KHDRBS2: variants seen among roughly 807,000 people sequenced by gnomAD.
KHDRBS2 encodes the protein KH domain-containing, RNA-binding, signal transduction-associated protein 2.
A neutral mutation model predicts 44.3 loss-of-function variants in KHDRBS2; 26 were observed. That is an observed-to-expected ratio of 0.59 (90% confidence interval 0.43 to 0.81). KHDRBS2 has a LOEUF of 0.81. KHDRBS2 is among the 40% of genes least tolerant of loss of function. The pLI, the probability that KHDRBS2 is intolerant of heterozygous loss-of-function variation, is 0.00. For synonymous variants in KHDRBS2, 194 were observed against 151.1 expected (o/e 1.28, Z -2.08); for missense variants, 476 against 433.1 (o/e 1.10, Z -0.88).
chr6:61,880,100 T>C (rs541320528), intron 6 of KHDRBS2, among the ~76,000 whole-genome samples: 3 of 151,864 alleles, frequency 2.0e-5, no homozygotes, highest in East Asian at 1.9e-4. Context: ...TAAATTGGGA[T>C]TGTTTGATGA....
At chr6:61,748,536 T>G (rs7771457) in intron 6 of KHDRBS2, among the ~76,000 whole-genome samples, 63,027 of 151,884 alleles carry the variant, frequency 0.41, 13,478 homozygotes, top group Middle Eastern at 0.51. Context: ...ATCTGAAAAG[T>G]TTTCAAATAT....
the KHDRBS2 span, among the ~76,000 whole-genome samples, chr6:61,652,639 T>C: frequency 6.6e-6 from 1 of 152,014 alleles, no homozygotes; most frequent in South Asian, 2.1e-4. Flanking sequence ...GTTAGGAATA[T>C]TACTTGATTC....
At chr6:61,758,822 T>C (rs1256437239) in intron 6 of KHDRBS2, among the ~76,000 whole-genome samples, 1 of 152,126 alleles carries the variant, frequency 6.6e-6, no homozygotes, top group African/African-American at 2.4e-5. Flanking sequence ...TGTAAATATA[T>C]ATTTAGGGTA....
chr6:62,166,375 C>T (rs1324371997), intron 2 of KHDRBS2, among the ~76,000 whole-genome samples: 2 of 151,900 alleles, frequency 1.3e-5, no homozygotes, highest in African/African-American at 4.8e-5. Context: ...TTGTGACATC[C>T]TTGTGAAACC....
intron 7 of KHDRBS2, among the ~76,000 whole-genome samples, chr6:61,719,171 T>C (rs538228633): frequency 1.1e-4 from 16 of 152,272 alleles, no homozygotes; most frequent in Non-Finnish European, 1.9e-4. Flanking sequence ...ATTATACCAA[T>C]CTACAGTTAA....
chr6:61,717,896 T>C (rs1431419082), intron 7 of KHDRBS2, among the ~76,000 whole-genome samples: 1 of 152,114 alleles, frequency 6.6e-6, no homozygotes, highest in African/African-American at 2.4e-5. Flanking sequence ...AACAGACGTC[T>C]GAATTGATTT....
At chr6:62,233,392 G>A (rs1231435710) in intron 1 of KHDRBS2, among the ~76,000 whole-genome samples, 1 of 152,116 alleles carries the variant, frequency 6.6e-6, no homozygotes. Flanking sequence ...AACTTCTCAT[G>A]TCTAACCAAT....
At chr6:61,817,251 G>C (rs1337723558) in intron 6 of KHDRBS2, among the ~76,000 whole-genome samples, 1 of 150,470 alleles carries the variant, frequency 6.6e-6, no homozygotes, top group Non-Finnish European at 1.5e-5. Flanking sequence ...TGTGGAAAAT[G>C]GTAAGATGAA....
chr6:61,752,746 T>C (rs1350578515), intron 6 of KHDRBS2, among the ~76,000 whole-genome samples: 1 of 149,198 alleles, frequency 6.7e-6, no homozygotes, highest in African/African-American at 2.5e-5. Flanking sequence ...TGGTTTAAGA[T>C]GAAGACAGAG....
the KHDRBS2 span, among the ~76,000 whole-genome samples, chr6:61,599,430 T>C: frequency 6.6e-6 from 1 of 151,740 alleles, no homozygotes; most frequent in African/African-American, 2.4e-5. Context: ...TGGACATGAG[T>C]GGATTTTTAA....
At chr6:61,602,604 C>T in the KHDRBS2 span, among the ~76,000 whole-genome samples, 8 of 152,258 alleles carry the variant, frequency 5.3e-5, no homozygotes, top group Admixed American at 3.3e-4. Context: ...TCAGAAGCCC[C>T]CTACACCATC....
intron 1 of KHDRBS2, among the ~76,000 whole-genome samples, chr6:62,189,534 T>C (rs1417698594): frequency 6.6e-6 from 1 of 152,054 alleles, no homozygotes; most frequent in Non-Finnish European, 1.5e-5. Flanking sequence ...AACTTTTATT[T>C]TCTTCTAAGT....
chr6:61,719,926 G>A (rs552878444), intron 7 of KHDRBS2, among the ~76,000 whole-genome samples: 11 of 152,022 alleles, frequency 7.2e-5, no homozygotes, highest in East Asian at 3.9e-4. Context: ...TATGCCTCCC[G>A]CCTCTTCCCA....
intron 6 of KHDRBS2, among the ~76,000 whole-genome samples, chr6:61,774,308 C>A (rs1781552421): frequency 6.6e-6 from 1 of 152,154 alleles, no homozygotes; most frequent in Non-Finnish European, 1.5e-5. Context: ...TTTGTATCCT[C>A]TTTTATTTCA....
chr6:62,043,823 A>G (rs13191150), intron 3 of KHDRBS2, among the ~76,000 whole-genome samples: 39 of 152,232 alleles, frequency 2.6e-4, no homozygotes, highest in Non-Finnish European at 4.7e-4. Context: ...ATATCTTAAT[A>G]CTTCGTATTT....
intron 1 of KHDRBS2, among the ~76,000 whole-genome samples, chr6:62,250,809 T>C (rs1836394931): frequency 6.6e-6 from 1 of 152,076 alleles, no homozygotes; most frequent in Middle Eastern, 3.4e-3. Flanking sequence ...AGGAAGGTTA[T>C]TTCTATTTAA....
At chr6:62,039,726 A>C (rs1189327962) in intron 3 of KHDRBS2, among the ~76,000 whole-genome samples, 10 of 152,082 alleles carry the variant, frequency 6.6e-5, no homozygotes, top group Non-Finnish European at 4.4e-5. Flanking sequence ...ATAAATCTTC[A>C]ACAATCTAAA....
intron 6 of KHDRBS2, among the ~76,000 whole-genome samples, chr6:61,763,528 C>A (rs1448156293): frequency 6.6e-6 from 1 of 152,060 alleles, no homozygotes; most frequent in Non-Finnish European, 1.5e-5. Context: ...AGTTCTAAAA[C>A]GAATGGAGAG....
At chr6:62,054,304 T>G (rs1360348662) in intron 2 of KHDRBS2, among the ~76,000 whole-genome samples, 1 of 152,052 alleles carries the variant, frequency 6.6e-6, no homozygotes, top group African/African-American at 2.4e-5. Context: ...TATGACAGTA[T>G]GAAGCATCCA....
Sources: allele counts gnomAD v4.1 joint callset (sites outside exome capture counted in the v4.1 genomes callset), GRCh38; gene constraint gnomAD v4.1.1; transcripts MANE v1.5; gene names NCBI Gene and HGNC (gene_info 2026-07-23, HGNC 2026-07-21).